WDR5: variants seen among roughly 807,000 people sequenced by gnomAD.
WDR5 encodes the protein WD repeat-containing protein 5.
For synonymous variants in WDR5, 144 were observed against 161.6 expected (o/e 0.89, Z 0.83); for missense variants, 187 against 416.9 (o/e 0.45, Z 4.80).
At chr9:134,146,297 C>T (rs1588173428) in intron 7 of WDR5, among the ~76,000 whole-genome samples, 1 of 150,546 alleles carries the variant, frequency 6.6e-6, no homozygotes, top group African/African-American at 2.5e-5. Flanking sequence ...TACAGTGACG[C>T]GATCTTGGCT....
chr9:134,145,253 C>G (rs777013825), intron 7 of WDR5, among the ~76,000 whole-genome samples: 19 of 152,166 alleles, frequency 1.2e-4, no homozygotes, highest in Non-Finnish European at 2.8e-4. Context: ...TGCCCACTAC[C>G]ACGACTGGCT....
chr9:134,156,699 A>C (rs1588181892), intron 13 of WDR5, 106 bp downstream of exon 13: 8 of 1,096,030 alleles, frequency 7.3e-6, no homozygotes, highest in East Asian at 2.5e-5. Flanking sequence ...TCCCCTTCCC[A>C]CCTCAGCCCT....
intron 8 of WDR5, among the ~76,000 whole-genome samples, chr9:134,151,653 T>TGCC (rs1832492899): frequency 6.6e-6 from 1 of 152,206 alleles, no homozygotes; most frequent in Non-Finnish European, 1.5e-5. Context: ...GGGCTGCTGC[T>TGCC]GCCCCTCTCC....
chr9:134,157,799 C>T lies in WDR5; in HGVS notation c.905-94C>T, dbSNP rs887974201. ...TCCCAGGTGGCGGGCAGGCGCTACC[C>T]GCGTTTCTGGAGAAAGGTGGAGCTC... On this transcript the variant is annotated intron_variant, in intron 13 of 13. Transcript: ENST00000358625. This position sits in a 1 kb window ranked among gnomAD's most constrained non-coding sequence, Gnocchi z 5.0. The T allele has an allele frequency of 1.2e-5, 15 of 1,247,102 alleles. No individual in the cohort carries two copies. The highest frequency in any genetic ancestry group is 1.2e-4 in the African/African-American group (8 of 67,218). 77.3% of individuals were successfully genotyped at this position (1,247,102 alleles called of 1,614,324 possible). A position where few individuals can be genotyped will look rare whatever the true frequency, so the allele number is the denominator to read the frequency against.
Position 134,155,869 on chromosome 9 carries a change from G to A in WDR5, c.816+102G>A, listed in dbSNP as rs933389904. 4.4e-5 allele frequency: 47 copies of A among 1,077,916 alleles called. 1 individual carries two copies. In the East Asian group the frequency reaches 1.1e-3, roughly 26 times the overall value. 66.8% of individuals were successfully genotyped at this position (1,077,916 alleles called of 1,614,324 possible). Reference sequence around the variant, plus strand: ...TTTATACTCAGAGACACTTTTCTGTGCCCACAAAATGAATTTCCATTTCAA... The same window carrying A: ...TTTATACTCAGAGACACTTTTCTGTACCCACAAAATGAATTTCCATTTCAA... On this transcript the variant is annotated intron_variant, in intron 12 of 13. Coordinates refer to ENST00000358625, the MANE Select transcript of WDR5 (RefSeq NM_017588.3).
intron 9 of WDR5, 45 bp downstream of exon 9, chr9:134,152,074 C>G (rs776245560): frequency 1.2e-6 from 2 of 1,603,912 alleles, no homozygotes; most frequent in Non-Finnish European, 1.7e-6. Context: ...GGGAGGGCCT[C>G]CCCTGCTGGG....
intron 7 of WDR5, among the ~76,000 whole-genome samples, chr9:134,144,203 C>T (rs955791380): frequency 2.0e-5 from 3 of 152,228 alleles, no homozygotes; most frequent in African/African-American, 2.4e-5. Context: ...AAGACCCTCG[C>T]GGGCCCAGTG....
intron 7 of WDR5, among the ~76,000 whole-genome samples, chr9:134,145,560 C>T (rs1409360333): frequency 2.6e-5 from 4 of 152,182 alleles, no homozygotes; most frequent in African/African-American, 9.7e-5. Flanking sequence ...CATCTGTGGC[C>T]GTTTGTGCGG....
chr9:134,142,193 G>A (rs1338610263), intron 5 of WDR5, 140 bp from the exon 6 acceptor site: 1 of 1,064,306 alleles, frequency 9.4e-7, no homozygotes, highest in Non-Finnish European at 1.4e-6. Flanking sequence ...GGTGGGGGAG[G>A]CCGAGTTGAC....
At chr9:134,146,619 T>A (rs1442781175) in intron 7 of WDR5, among the ~76,000 whole-genome samples, 4 of 152,210 alleles carry the variant, frequency 2.6e-5, no homozygotes, top group African/African-American at 9.6e-5. Flanking sequence ...CCCTTGCACC[T>A]GAATGTGGGT....
chr9:134,153,308 G>T (rs1832586391), intron 9 of WDR5, among the ~76,000 whole-genome samples: 2 of 152,178 alleles, frequency 1.3e-5, no homozygotes, highest in South Asian at 4.1e-4. Context: ...TTCCAGCCTG[G>T]GCGCCCCTGA....
At chr9:134,145,383 G>A (rs541206347) in intron 7 of WDR5, among the ~76,000 whole-genome samples, 23 of 152,334 alleles carry the variant, frequency 1.5e-4, no homozygotes, top group African/African-American at 5.1e-4. Flanking sequence ...ACAGGCGTGA[G>A]CCGCTGCGCC....
At chr9:134,148,784 G>T (rs1361670172) in intron 8 of WDR5, among the ~76,000 whole-genome samples, 7 of 152,150 alleles carry the variant, frequency 4.6e-5, no homozygotes, top group Non-Finnish European at 1.0e-4. Context: ...ATAGAGAAGG[G>T]CAGGAGGAAG....
chr9:134,137,522 A>G (rs772756847), intron 1 of WDR5, among the ~76,000 whole-genome samples: 1 of 152,086 alleles, frequency 6.6e-6, no homozygotes, highest in Non-Finnish European at 1.5e-5. Flanking sequence ...GTCTCTACTA[A>G]AAATACAAAA....
chr9:134,142,037 C>G lies in WDR5; in HGVS notation c.353C>G (p.Ser118Trp). The G allele has an allele frequency of 1.2e-6, 2 of 1,613,846 alleles. No homozygotes were observed. The highest frequency in any genetic ancestry group is 8.5e-7 in the Non-Finnish European group (1 of 1,179,864). Residue 118 changes from serine (S) to tryptophan (W), a missense_variant and splice_region_variant, in exon 5 of 14, where the codon TCG (serine) becomes TGG (tryptophan). Transcript: ENST00000358625. Reference protein sequence around the residue: ...DKTLKIWDVSSGKCLKTLKGH... With the variant: ...DKTLKIWDVSWGKCLKTLKGH... ...ACCTTGAAGATATGGGACGTGAGCT[C>G]GGTAAGTGACACTCAGTGCTTCTCT...
chr9:134,155,788 G>A, intron 12 of WDR5, 21 bp downstream of exon 12: 2 of 1,611,290 alleles, frequency 1.2e-6, no homozygotes, highest in Non-Finnish European at 1.7e-6. Flanking sequence ...TAACCTTGAA[G>A]CGTCTCACCT....
chr9:134,149,109 G>A (rs1588175435), intron 8 of WDR5, among the ~76,000 whole-genome samples: 1 of 152,168 alleles, frequency 6.6e-6, no homozygotes, highest in Non-Finnish European at 1.5e-5. Context: ...ACGCACACTC[G>A]AAATCTGTTT....
chr9:134,145,236 T>C (rs1465901852), intron 7 of WDR5, among the ~76,000 whole-genome samples: 1 of 151,584 alleles, frequency 6.6e-6, no homozygotes, highest in Non-Finnish European at 1.5e-5. Context: ...GTACCTGGGA[T>C]TACAGGTGCC....
chr9:134,135,777 G>C (rs1219734769), upstream of WDR5: 5 of 152,196 alleles, frequency 3.3e-5, no homozygotes, highest in East Asian at 9.7e-4. Context: ...GGTCCCGGAG[G>C]GCCGCTGGTG....
Sources: gnomAD v4.1 joint callset for allele counts (sites outside exome capture counted in the v4.1 genomes callset) on GRCh38, gnomAD v4.1.1 for gene constraint, Gnocchi (gnomAD v3.1) non-coding constraint, MANE v1.5 for transcripts, NCBI Gene and HGNC (gene_info 2026-07-23, HGNC 2026-07-21) for gene names.